The following GRIN2B variants were observed in gnomAD, a reference collection of about 807,000 sequenced individuals.
GRIN2B encodes glutamate receptor ionotropic, NMDA 2B.
A neutral mutation model predicts 114.5 loss-of-function variants in GRIN2B; 5 were observed. The ratio of observed to expected loss-of-function variants is 0.04; its 90% CI spans 0.02 to 0.09. The LOEUF (loss-of-function observed/expected upper bound fraction) is 0.09. GRIN2B is among the 10% of genes least tolerant of loss of function. GRIN2B has a pLI of 1.00. For synonymous variants in GRIN2B, 787 were observed against 745.1 expected (o/e 1.06, Z -0.92); for missense variants, 1,108 against 1,943.5 (o/e 0.57, Z 8.08).
At position 13,608,719 on chromosome 12, in the gene GRIN2B, C is replaced by G; in HGVS notation, c.1894G>C (p.Val632Leu). The G allele has an allele frequency of 6.2e-7, 1 of 1,614,108 alleles. No individual in the cohort carries two copies. Among genetic ancestry groups the G allele is most frequent in the Non-Finnish European group, 8.5e-7 (1 of 1,179,974 alleles). Residue 632 changes from valine to leucine, a missense_variant, in exon 10 of 14, where the codon GTG (valine) becomes CTG (leucine). Around this residue, in one of 19 missense-constraint regions of GRIN2B, gnomAD observed 8 missense variants for 87.9 expected, o/e 0.09. Transcript: ENST00000609686. ...ACAGCAAAGAAGGCCCACACTGACA[C>G]CATGATCTTGGAGGTGGTCCCCTTT... ...NPKGTTSKIM[V>L]SVWAFFAVIF...
At chr12:13,665,134 G>GGT (rs1949960765) in intron 5 of GRIN2B, among the ~76,000 whole-genome samples, 1 of 133,080 alleles carries the variant, frequency 7.5e-6, no homozygotes, top group African/African-American at 2.8e-5. Flanking sequence ...GAAAAGAGAG[G>GGT]GTGTGTGTGT....
At position 13,558,251 on chromosome 12, in the gene GRIN2B, T is replaced by C. The variant is rs1023377167; in HGVS notation, c.*4532A>G. 1 of 152,152 alleles carries C rather than the reference T, an allele frequency of 6.6e-6. No individual in the cohort carries two copies. The highest frequency in any genetic ancestry group is 2.4e-5 in the African/African-American group (1 of 41,412). The allele number at this position is 152,152 out of a possible 1,614,324, so 9.4% of individuals were successfully genotyped here. On this transcript the variant is annotated 3_prime_UTR_variant, in exon 14 of 14. Transcript: ENST00000609686. ...ACAGTCCCTGGAAATGCTGAATGCA[T>C]TCATCAATATCACTGCAGTGACATC...
At chr12:13,581,428 G>A (rs776535928) in intron 10 of GRIN2B, among the ~76,000 whole-genome samples, 1 of 152,162 alleles carries the variant, frequency 6.6e-6, no homozygotes, top group African/African-American at 2.4e-5. Context: ...GAGAGGGGAG[G>A]AAGTGGCTGC....
intron 6 of GRIN2B, 27 bp downstream of exon 6, chr12:13,616,428 C>T: frequency 1.3e-6 from 2 of 1,576,826 alleles, no homozygotes; most frequent in South Asian, 2.2e-5. Context: ...TCCCATGCCA[C>T]CCAAAGTCAT....
rs771285010 is a variant in GRIN2B, at chr12:13,554,720, A to G, written c.*8063T>C. On this transcript the variant is annotated 3_prime_UTR_variant, in exon 14 of 14. Coordinates refer to ENST00000609686, the MANE Select transcript of GRIN2B (RefSeq NM_000834.5). ...GCTAAAAGACGCTGAAATAATCCAG[A>G]CTAGAAGGAAGGGTCTGAATGAAAA... The G allele has an allele frequency of 5.9e-5, 9 of 152,220 alleles. No homozygotes were observed. Among genetic ancestry groups the G allele is most frequent in the Non-Finnish European group, 8.8e-5 (6 of 68,032 alleles). The allele number at this position is 152,220 out of a possible 1,614,324, so 9.4% of individuals were successfully genotyped here. A position where few individuals can be genotyped will look rare whatever the true frequency, so the allele number is the denominator to read the frequency against.
chr12:13,643,416 T>C (rs1949737817), intron 5 of GRIN2B, among the ~76,000 whole-genome samples: 1 of 152,182 alleles, frequency 6.6e-6, no homozygotes, highest in East Asian at 1.9e-4. Flanking sequence ...AAATACTTCG[T>C]TGCTAGAAAA....
chr12:13,670,933 T>C (rs1950016722), intron 5 of GRIN2B, among the ~76,000 whole-genome samples: 1 of 152,156 alleles, frequency 6.6e-6, no homozygotes, highest in South Asian at 2.1e-4. Flanking sequence ...CAAGAGCAGA[T>C]ACTGTTCATT....
chr12:13,634,878 T>C (rs934209719), intron 5 of GRIN2B, among the ~76,000 whole-genome samples: 2 of 152,194 alleles, frequency 1.3e-5, no homozygotes, highest in African/African-American at 4.8e-5. Context: ...ACTTTCTTGA[T>C]TTTTCCTAGA....
chr12:13,945,823 T>A (rs1867353517), intron 2 of GRIN2B, among the ~76,000 whole-genome samples: 2 of 152,186 alleles, frequency 1.3e-5, no homozygotes, highest in South Asian at 4.1e-4. Flanking sequence ...TCTGATGCAG[T>A]CATACTTGGA....
At chr12:13,678,266 C>T (rs1028473105) in intron 4 of GRIN2B, among the ~76,000 whole-genome samples, 9 of 152,054 alleles carry the variant, frequency 5.9e-5, no homozygotes, top group African/African-American at 1.9e-4. Context: ...TTCTCCTGTC[C>T]AGCCCACCAC....
chr12:13,781,789 G>T (rs781472292), intron 3 of GRIN2B, among the ~76,000 whole-genome samples: 1 of 152,174 alleles, frequency 6.6e-6, no homozygotes, highest in Non-Finnish European at 1.5e-5. Context: ...CATGATCCAG[G>T]TGAGTTCTCT....
At chr12:13,572,612 C>G (rs1230469077) in intron 10 of GRIN2B, among the ~76,000 whole-genome samples, 1 of 152,058 alleles carries the variant, frequency 6.6e-6, no homozygotes, top group African/African-American at 2.4e-5. Flanking sequence ...TCTCCAGTGC[C>G]CATTATAATA....
intron 2 of GRIN2B, among the ~76,000 whole-genome samples, chr12:13,926,825 C>T (rs1376454630): frequency 6.6e-6 from 1 of 151,996 alleles, no homozygotes; most frequent in African/African-American, 2.4e-5. Flanking sequence ...TGGTGGCAGG[C>T]GCCTGTAGTC....
intron 4 of GRIN2B, among the ~76,000 whole-genome samples, chr12:13,699,700 T>C (rs1950292952): frequency 6.6e-6 from 1 of 152,002 alleles, no homozygotes; most frequent in Admixed American, 6.6e-5. Context: ...TGATTTCTTC[T>C]GCTTCAGCCT....
intron 4 of GRIN2B, among the ~76,000 whole-genome samples, chr12:13,719,947 G>A (rs1950492093): frequency 6.6e-6 from 1 of 151,960 alleles, no homozygotes; most frequent in South Asian, 2.1e-4. Flanking sequence ...CAGCTACCTT[G>A]TAAGCCTTTA....
At chr12:13,858,654 A>ATGTAATAATTCAC (rs2136737452) in intron 3 of GRIN2B, among the ~76,000 whole-genome samples, 1 of 151,714 alleles carries the variant, frequency 6.6e-6, no homozygotes, top group Non-Finnish European at 1.5e-5. Flanking sequence ...TATTTTCTTC[A>ATGTAATAATTCAC]TGTAATAATT....
chr12:13,977,587 T>C (rs902795177), intron 2 of GRIN2B, among the ~76,000 whole-genome samples: 5 of 152,170 alleles, frequency 3.3e-5, no homozygotes, highest in Non-Finnish European at 7.3e-5. Flanking sequence ...GCCACCTTTC[T>C]TTCCCATGTC....
At chr12:13,591,364 C>T (rs149010953) in intron 10 of GRIN2B, among the ~76,000 whole-genome samples, 21 of 152,312 alleles carry the variant, frequency 1.4e-4, no homozygotes, top group East Asian at 3.9e-4. Flanking sequence ...GGATGTAGGA[C>T]GTGACCACTA....
At position 13,538,265 on chromosome 12, in the gene GRIN2B, T is replaced by G. The variant is rs1337932648; in HGVS notation, c.*24518A>C. On this transcript the variant is annotated 3_prime_UTR_variant, in exon 14 of 14. Coordinates refer to ENST00000609686, the MANE Select transcript of GRIN2B (RefSeq NM_000834.5). ...TGGTCTTACTGATAGTCCCTTGCAG[T>G]GGACTTCAGGGTGGCACAAGGGCAT... is the stretch of plus-strand genomic sequence containing the variant. 1 of 152,182 alleles carries G rather than the reference T, an allele frequency of 6.6e-6. No individual in the cohort carries two copies. The highest frequency in any genetic ancestry group is 1.5e-5 in the Non-Finnish European group (1 of 68,036). The allele number at this position is 152,182 out of a possible 1,614,324, so 9.4% of individuals were successfully genotyped here.
Sources: gnomAD v4.1 joint callset for allele counts (sites outside exome capture counted in the v4.1 genomes callset) on GRCh38, gnomAD v4.1.1 for gene constraint, gnomAD v4.1.1 regional missense constraint, MANE v1.5 for transcripts, NCBI Gene and HGNC (gene_info 2026-07-23, HGNC 2026-07-21) for gene names.